The following SAXO1 variants were observed in gnomAD, a reference collection of about 807,000 sequenced individuals.
SAXO1 encodes the protein 4930500O09Rik.
A neutral mutation model predicts 17.5 loss-of-function variants in SAXO1; 21 were observed. The ratio of observed to expected loss-of-function variants is 1.20; its 90% CI spans 0.85 to 1.72. The LOEUF (loss-of-function observed/expected upper bound fraction) is 1.72. Among genes scored for constraint, SAXO1 ranks in the 40% most tolerant of loss-of-function variants. The pLI is 0.00. For missense variants in SAXO1, 843 were observed against 596.0 expected (o/e 1.41, Z -4.32); for synonymous variants, 274 against 216.5 (o/e 1.27, Z -2.33).
chr9:19,029,301 T>TG (rs1463655357), intron 1 of SAXO1, among the ~76,000 whole-genome samples: 1 of 152,198 alleles, frequency 6.6e-6, no homozygotes. Flanking sequence ...TCTCCCTCCC[T>TG]GGCAGCCCTG....
chr9:18,983,206 A>G (rs1469074575), intron 1 of SAXO1, among the ~76,000 whole-genome samples: 1 of 152,218 alleles, frequency 6.6e-6, no homozygotes, highest in African/African-American at 2.4e-5. Context: ...CAGTTCTGCA[A>G]TGGCTGGGGA....
At chr9:19,035,704 G>C (rs1433573047), upstream of SAXO1, among the ~76,000 whole-genome samples, 2 of 152,198 alleles carry the variant, frequency 1.3e-5, no homozygotes, top group Non-Finnish European at 2.9e-5. Context: ...GGCTGAGGTG[G>C]TCTCAGATAG....
chr9:19,012,141 G>T (rs112682928), intron 1 of SAXO1, among the ~76,000 whole-genome samples: 8 of 152,182 alleles, frequency 5.3e-5, no homozygotes, highest in Non-Finnish European at 4.4e-5. Flanking sequence ...ACCACGCCCG[G>T]CAAGGATAGA....
intron 1 of SAXO1, among the ~76,000 whole-genome samples, chr9:18,992,452 G>A (rs1833849501): frequency 1.3e-5 from 2 of 152,184 alleles, no homozygotes; most frequent in African/African-American, 4.8e-5. Context: ...TAGGGCCCAC[G>A]CTAATGAGCT....
intron 2 of SAXO1, 43 bp from the exon 3 acceptor site, chr9:18,941,882 G>C (rs764523508): frequency 1.3e-6 from 2 of 1,578,588 alleles, no homozygotes; most frequent in East Asian, 2.2e-5. Flanking sequence ...CTTGGCTTGC[G>C]ATAAGGCTTA....
intron 3 of SAXO1, among the ~76,000 whole-genome samples, chr9:18,938,226 T>C (rs531482907): frequency 1.3e-5 from 2 of 152,246 alleles, no homozygotes; most frequent in East Asian, 3.9e-4. Context: ...ACTTTGTCAG[T>C]AGGGAAGTCA....
chr9:18,972,421 GCAC>G (rs966671919), intron 1 of SAXO1, among the ~76,000 whole-genome samples: 2 of 152,100 alleles, frequency 1.3e-5, no homozygotes, highest in African/African-American at 4.8e-5. Flanking sequence ...TAGAATTTGT[GCAC>G]CAATACATTT....
chr9:19,007,795 G>A (rs1490983896), intron 1 of SAXO1, among the ~76,000 whole-genome samples: 4 of 152,088 alleles, frequency 2.6e-5, no homozygotes, highest in South Asian at 2.1e-4. Context: ...GATATTTCAC[G>A]ACACGTGAAA....
chr9:18,968,580 GA>G (rs35514207), intron 1 of SAXO1, among the ~76,000 whole-genome samples: 1 of 137,270 alleles, frequency 7.3e-6, no homozygotes, highest in Non-Finnish European at 1.6e-5. Flanking sequence ...TCATGGTTAA[GA>G]AAATGTCCCC....
At chr9:18,980,721 A>G in intron 1 of SAXO1, among the ~76,000 whole-genome samples, 1 of 149,648 alleles carries the variant, frequency 6.7e-6, no homozygotes, top group Non-Finnish European at 1.5e-5. Flanking sequence ...TATGTCTTAT[A>G]ATATTAAATA....
At chr9:19,045,200 C>G (rs1223420619) in intron 1 of SAXO1, among the ~76,000 whole-genome samples, 4 of 150,622 alleles carry the variant, frequency 2.7e-5, no homozygotes, top group African/African-American at 7.3e-5. Flanking sequence ...GTCCCAGCTA[C>G]TCGGGAGGCT....
intron 1 of SAXO1, among the ~76,000 whole-genome samples, chr9:19,010,630 T>C (rs999811309): frequency 2.6e-5 from 4 of 152,166 alleles, no homozygotes. Flanking sequence ...CTTGTTTATA[T>C]AGAAATATAT....
intron 1 of SAXO1, among the ~76,000 whole-genome samples, chr9:18,955,028 CCA>C (rs978536437): frequency 2.0e-5 from 3 of 151,844 alleles, no homozygotes; most frequent in African/African-American, 7.3e-5. Flanking sequence ...ATTATAGTAG[CCA>C]CATTAGAAGG....
At chr9:18,933,718 C>T (rs972591197) in intron 3 of SAXO1, among the ~76,000 whole-genome samples, 1 of 152,146 alleles carries the variant, frequency 6.6e-6, no homozygotes, top group Non-Finnish European at 1.5e-5. Context: ...GCCTTCAGTC[C>T]TCCATTGTTT....
chr9:18,956,626 A>G lies in SAXO1; in HGVS notation c.39-5689T>C, dbSNP rs1017395316. The stretch of plus-strand genomic sequence containing the variant: ...CACTGACTACTTGTGTAACATTGAG[A>G]AAACCACTTAACTCCTCCGAACTTC... On this transcript the variant is annotated intron_variant, in intron 1 of 3. Transcript: ENST00000380534. Among the ~76,000 whole-genome samples, 4 of 152,154 alleles carry G rather than the reference A, an allele frequency of 2.6e-5. No individual in the cohort carries two copies. In the East Asian group the frequency reaches 7.7e-4, roughly 29 times the overall value.
At chr9:19,002,085 A>G (rs1407967352) in intron 1 of SAXO1, among the ~76,000 whole-genome samples, 1 of 152,242 alleles carries the variant, frequency 6.6e-6, no homozygotes, top group East Asian at 1.9e-4. Flanking sequence ...TCCCACAGAA[A>G]TACAAACTAC....
At chr9:18,968,761 T>G (rs1832833260) in intron 1 of SAXO1, among the ~76,000 whole-genome samples, 1 of 151,918 alleles carries the variant, frequency 6.6e-6, no homozygotes, top group Non-Finnish European at 1.5e-5. Context: ...ACCTGGCTAA[T>G]TTTTGTATTT....
At chr9:19,035,241 G>A (rs1443764011), upstream of SAXO1, among the ~76,000 whole-genome samples, 1 of 152,184 alleles carries the variant, frequency 6.6e-6, no homozygotes, top group African/African-American at 2.4e-5. Flanking sequence ...GACCCAGTGG[G>A]AGATAATTTG....
chr9:18,928,702 C>A lies in SAXO1; in HGVS notation c.775G>T (p.Ala259Ser). The change falls in exon 4 of 4, where the codon GCC becomes TCC. Residue 259 changes from alanine (A) to serine (S), a missense_variant. Transcript: ENST00000380534. ...GEPAKSLKPL[A>S]RPPGLDMPFC... ...GGCATGTCTAGCCCAGGAGGCCTGG[C>A]TAGAGGTTTCAAGCTCTTGGCAGGC... 1 of 1,614,150 alleles carries A rather than the reference C, an allele frequency of 6.2e-7. No homozygotes were observed.
Sources: gnomAD v4.1 joint callset for allele counts (sites outside exome capture counted in the v4.1 genomes callset) on GRCh38, gnomAD v4.1.1 for gene constraint, MANE v1.5 for transcripts, NCBI Gene and HGNC (gene_info 2026-07-23, HGNC 2026-07-21) for gene names.